Variants in ZNF804A observed in about 807,000 individuals in gnomAD.
The protein encoded by ZNF804A is zinc finger protein 804A.
A neutral mutation model predicts 16.5 loss-of-function variants in ZNF804A; 2 were observed. That is an observed-to-expected ratio of 0.12 (90% CI 0.05 to 0.38). ZNF804A has a LOEUF of 0.38. Ranked by LOEUF, ZNF804A falls within the 10% of genes least tolerant of loss-of-function variation. ZNF804A has a pLI of 0.99. For synonymous variants in ZNF804A, 534 were observed against 489.6 expected, an observed-to-expected ratio of 1.09 and a Z score of -1.20; for missense variants, 1,473 against 1,390.7, an observed-to-expected ratio of 1.06 and a Z score of -0.94.
At chr2:184,882,988 A>C (rs1043593301) in intron 2 of ZNF804A, among the ~76,000 whole-genome samples, 1 of 152,068 alleles carries the variant, frequency 6.6e-6, no homozygotes, top group African/African-American at 2.4e-5. Context: ...AAGATCAACA[A>C]ATCCACAATT....
At chr2:184,863,676 G>A (rs1199377858) in intron 1 of ZNF804A, among the ~76,000 whole-genome samples, 3 of 152,032 alleles carry the variant, frequency 2.0e-5, no homozygotes, top group Non-Finnish European at 2.9e-5. Flanking sequence ...ATTTCTGTTG[G>A]TTTAAGATTG....
At chr2:184,687,696 G>C (rs927267841) in intron 1 of ZNF804A, among the ~76,000 whole-genome samples, 6 of 152,118 alleles carry the variant, frequency 3.9e-5, no homozygotes, top group Non-Finnish European at 5.9e-5. Flanking sequence ...GTAAATAGAA[G>C]TCAATTGTAG....
intron 1 of ZNF804A, among the ~76,000 whole-genome samples, chr2:184,795,241 A>G (rs1490219623): frequency 1.3e-5 from 2 of 152,206 alleles, no homozygotes; most frequent in African/African-American, 4.8e-5. Context: ...ACAGTGGAAT[A>G]AAACTCGAAA....
intron 1 of ZNF804A, among the ~76,000 whole-genome samples, chr2:184,799,725 T>C (rs1385019711): frequency 1.3e-5 from 2 of 152,026 alleles, no homozygotes; most frequent in Non-Finnish European, 2.9e-5. Context: ...TTTGTATGTG[T>C]AGAGATAAGG....
chr2:184,636,423 CTGTG>C (rs746003358), intron 1 of ZNF804A, among the ~76,000 whole-genome samples: 37 of 99,234 alleles, frequency 3.7e-4, no homozygotes, highest in Admixed American at 1.8e-3. Context: ...GGCTCTAGGG[CTGTG>C]TGTGTGTGTG....
chr2:184,888,833 C>G (rs1173087943), intron 2 of ZNF804A, among the ~76,000 whole-genome samples: 2 of 152,032 alleles, frequency 1.3e-5, no homozygotes, highest in African/African-American at 4.8e-5. Flanking sequence ...CTTAGTAAAT[C>G]AAATTGCTGT....
chr2:184,866,675 A>G (rs893880144), intron 2 of ZNF804A, among the ~76,000 whole-genome samples, 163 bp downstream of exon 2: 2 of 149,980 alleles, frequency 1.3e-5, no homozygotes, highest in Non-Finnish European at 3.0e-5. Flanking sequence ...TTACAGCAAA[A>G]TCCTTTTTTT....
At chr2:184,692,294 G>A (rs1036065740) in intron 1 of ZNF804A, among the ~76,000 whole-genome samples, 17 of 152,166 alleles carry the variant, frequency 1.1e-4, no homozygotes, top group African/African-American at 2.2e-4. Flanking sequence ...CTGTCATGGT[G>A]TGAATGTGTC....
chr2:184,720,744 A>C (rs1693299476), intron 1 of ZNF804A, among the ~76,000 whole-genome samples: 1 of 152,176 alleles, frequency 6.6e-6, no homozygotes, highest in South Asian at 2.1e-4. Context: ...TTTCACAGAG[A>C]TAGAACAAAA....
chr2:184,798,426 G>C (rs1005197254), intron 1 of ZNF804A, among the ~76,000 whole-genome samples: 4 of 151,628 alleles, frequency 2.6e-5, no homozygotes, highest in African/African-American at 9.7e-5. Flanking sequence ...TGGAGGCTTT[G>C]TTCATATTTT....
At chr2:184,731,231 A>G (rs934535054) in intron 1 of ZNF804A, among the ~76,000 whole-genome samples, 5 of 143,298 alleles carry the variant, frequency 3.5e-5, no homozygotes, top group Non-Finnish European at 7.6e-5. Context: ...AGCCTGGACA[A>G]CAAGAGCTAG....
chr2:184,799,386 T>C (rs185728650), intron 1 of ZNF804A, among the ~76,000 whole-genome samples: 1 of 152,280 alleles, frequency 6.6e-6, no homozygotes, highest in East Asian at 1.9e-4. Context: ...TTTTATATAT[T>C]GTATTCTATG....
chr2:184,684,505 A>G (rs1217408722), intron 1 of ZNF804A, among the ~76,000 whole-genome samples: 1 of 152,130 alleles, frequency 6.6e-6, no homozygotes, highest in Non-Finnish European at 1.5e-5. Context: ...GAGGCTGAGT[A>G]TTTTTCGAGA....
intron 1 of ZNF804A, among the ~76,000 whole-genome samples, chr2:184,747,618 A>G (rs1416741742): frequency 1.3e-5 from 2 of 151,060 alleles, no homozygotes; most frequent in Non-Finnish European, 3.0e-5. Flanking sequence ...AGCACAAAAT[A>G]TTTTCATATC....
Position 184,750,160 on chromosome 2 carries a change from G to C in ZNF804A, c.112-116209G>C, listed in dbSNP as rs1693857788. Reference sequence around the variant, plus strand: ...TTAATTTTTGTATTTTAAATTTATTGAGGAGTGATAACTTAGCTTTATTAA... The same window carrying C: ...TTAATTTTTGTATTTTAAATTTATTCAGGAGTGATAACTTAGCTTTATTAA... On this transcript the variant is annotated intron_variant, in intron 1 of 3. Transcript: ENST00000302277. Among the ~76,000 whole-genome samples, 2 of 151,052 alleles carry C rather than the reference G, an allele frequency of 1.3e-5. 1 individual carries two copies. Among genetic ancestry groups the C allele is most frequent in the South Asian group, 4.2e-4 (2 of 4,804 alleles).
At chr2:184,704,129 C>T (rs1439480320) in intron 1 of ZNF804A, among the ~76,000 whole-genome samples, 1 of 151,054 alleles carries the variant, frequency 6.6e-6, no homozygotes, top group African/African-American at 2.4e-5. Context: ...AGAGAGAGAA[C>T]ACTTTCAGAT....
intron 2 of ZNF804A, among the ~76,000 whole-genome samples, chr2:184,917,882 A>C (rs2105835188): frequency 6.6e-6 from 1 of 152,100 alleles, no homozygotes; most frequent in East Asian, 1.9e-4. Context: ...CATTTCTGTA[A>C]CTGGCCACAT....
At chr2:184,639,476 T>C (rs1691758253) in intron 1 of ZNF804A, among the ~76,000 whole-genome samples, 3 of 152,160 alleles carry the variant, frequency 2.0e-5, no homozygotes, top group Admixed American at 6.5e-5. Flanking sequence ...TATATAGTTT[T>C]GATTTTTCAG....
intron 1 of ZNF804A, among the ~76,000 whole-genome samples, chr2:184,703,759 C>G (rs935007216): frequency 1.0e-4 from 15 of 147,382 alleles, no homozygotes; most frequent in Non-Finnish European, 2.2e-4. Context: ...CATTTGTTTG[C>G]AAAAGAAGAG....
Sources: allele counts gnomAD v4.1 joint callset (sites outside exome capture counted in the v4.1 genomes callset), GRCh38; gene constraint gnomAD v4.1.1; transcripts MANE v1.5; gene names NCBI Gene and HGNC (gene_info 2026-07-23, HGNC 2026-07-21).